The following AACS variants were observed in gnomAD, a reference collection of about 807,000 sequenced individuals.
AACS encodes the protein acetoacetate-CoA ligase.
In AACS, 69 loss-of-function variants were observed where a neutral mutation model predicts 83.1. The ratio of observed to expected loss-of-function variants is 0.83; its 90% confidence interval spans 0.68 to 1.01. AACS has a LOEUF of 1.01. Among genes scored for constraint, AACS ranks in the 50% least tolerant of loss-of-function variants. AACS has a pLI of 0.00. For missense variants in AACS, 866 were observed against 882.2 expected (o/e 0.98, Z 0.23); for synonymous variants, 333 against 343.4 (o/e 0.97, Z 0.33).
intron 14 of AACS, among the ~76,000 whole-genome samples, chr12:125,131,755 C>T (rs1395645730): frequency 3.3e-5 from 5 of 152,018 alleles, no homozygotes; most frequent in East Asian, 1.9e-4. Context: ...CGCGCCACCA[C>T]GCCCAGCTAA....
chr12:125,102,830 G>GGT (rs1565939223), intron 6 of AACS, 37 bp downstream of exon 6: 2 of 1,592,650 alleles, frequency 1.3e-6, no homozygotes, highest in East Asian at 2.2e-5. Flanking sequence ...GGCATGGCTG[G>GGT]GTGTGTGTGT....
intron 3 of AACS, 66 bp from the exon 4 acceptor site, chr12:125,086,264 G>A: frequency 7.2e-7 from 1 of 1,394,066 alleles, no homozygotes; most frequent in Non-Finnish European, 1.0e-6. Flanking sequence ...TTTTCATTCA[G>A]TGTCTGGCTT....
Position 125,111,318 on chromosome 12 carries a change from C to T in AACS, c.916-3159C>T, listed in dbSNP as rs556155421. Among the ~76,000 whole-genome samples, 4 of 123,506 alleles carry T rather than the reference C, an allele frequency of 3.2e-5. No individual in the cohort carries two copies. The South Asian group carries it at 8.0e-4, about 25-fold the overall frequency. 81.0% of individuals were successfully genotyped at this position (123,506 alleles called of 152,430 possible). On this transcript the variant is annotated intron_variant, in intron 8 of 17. Transcript: ENST00000316519. ...TTGCAGACAAGGGTCGGGGCGGGGG[C>T]GGGTGTATGTGGCCAAACAAGACAT...
chr12:125,072,921 T>G (rs1161853155), intron 1 of AACS, among the ~76,000 whole-genome samples: 21 of 13,452 alleles, frequency 1.6e-3, no homozygotes, highest in African/African-American at 4.2e-3. Context: ...TAACTTTTGT[T>G]TTTTTTTTTT....
chr12:125,128,150 A>G lies in AACS; in HGVS notation c.1310-11A>G, dbSNP rs773119842. 1 of 1,601,210 alleles carries G rather than the reference A, an allele frequency of 6.2e-7. No homozygotes were observed. Among genetic ancestry groups the G allele is most frequent in the Non-Finnish European group, 8.5e-7 (1 of 1,171,316 alleles). Reference sequence around the variant, plus strand: ...TCTAAATTTTGAGTCTCCCTTTGCCATTGCTTGCAGGAGGCACCGACATCA... The same window carrying G: ...TCTAAATTTTGAGTCTCCCTTTGCCGTTGCTTGCAGGAGGCACCGACATCA... On this transcript the variant is annotated splice_polypyrimidine_tract_variant and intron_variant, in intron 12 of 17. Transcript: ENST00000316519.
intron 9 of AACS, among the ~76,000 whole-genome samples, chr12:125,115,840 G>A (rs1247267071): frequency 1.3e-5 from 2 of 151,896 alleles, no homozygotes; most frequent in Non-Finnish European, 2.9e-5. Flanking sequence ...ACGGGGGACA[G>A]ACCCCTGGGA....
At position 125,142,377 on chromosome 12, in the gene AACS, T is replaced by G; in HGVS notation, c.*148T>G. ...CTTGGGGAGGGATCGTTTCTCTGTT[T>G]TGTTAAATCTGGTGGGTACCTGGAT... On this transcript the variant is annotated 3_prime_UTR_variant, in exon 18 of 18. Transcript: ENST00000316519. 3.4e-6 allele frequency: 4 copies of G among 1,160,764 alleles called. No individual in the cohort carries two copies. In the South Asian group the frequency reaches 4.9e-5, roughly 14 times the overall value. The allele number at this position is 1,160,764 out of a possible 1,614,324, so 71.9% of individuals were successfully genotyped here.
chr12:125,133,972 G>T (rs1347515574), intron 14 of AACS, 31 bp from the exon 15 acceptor site: 13 of 1,612,946 alleles, frequency 8.1e-6, no homozygotes, highest in Middle Eastern at 1.6e-4. Context: ...CTTCTCCTCG[G>T]GATGACCGGG....
At chr12:125,078,325 T>C (rs1370798757) in intron 3 of AACS, 1 of 456,104 alleles carries the variant, frequency 2.2e-6, no homozygotes, top group Non-Finnish European at 4.4e-6. Flanking sequence ...TGCACATTCC[T>C]GGTGAAGAGC....
intron 3 of AACS, among the ~76,000 whole-genome samples, chr12:125,085,892 G>A (rs7306622): frequency 0.078 from 11,936 of 152,162 alleles, 519 homozygotes; most frequent in East Asian, 0.18. Context: ...CATGGCTCAC[G>A]TGATCCTTTG....
At chr12:125,095,787 T>A (rs1172580946) in intron 5 of AACS, among the ~76,000 whole-genome samples, 1 of 152,204 alleles carries the variant, frequency 6.6e-6, no homozygotes, top group African/African-American at 2.4e-5. Context: ...TGTTTTGATT[T>A]TCTGTTCCAT....
At chr12:125,073,846 T>C (rs1955944391) in intron 1 of AACS, 30 bp from the exon 2 acceptor site, 1 of 1,565,126 alleles carries the variant, frequency 6.4e-7, no homozygotes, top group Admixed American at 1.7e-5. Context: ...ATTTCCCTTC[T>C]AAGGTTAATC....
chr12:125,126,596 T>TG (rs1014737412), intron 12 of AACS: 4 of 151,780 alleles, frequency 2.6e-5, no homozygotes, highest in African/African-American at 9.7e-5. Context: ...TTTTTTTTTT[T>TG]AAAGACAGGG....
At chr12:125,071,761 C>G (rs1454509543) in intron 1 of AACS, among the ~76,000 whole-genome samples, 2 of 152,218 alleles carry the variant, frequency 1.3e-5, no homozygotes, top group Non-Finnish European at 2.9e-5. Flanking sequence ...CTTGTGGTGT[C>G]AAGAGGCCAT....
At position 125,065,693 on chromosome 12, in the gene AACS, G is replaced by T. The variant is rs1483505604; in HGVS notation, c.109G>T (p.Gly37Cys). 39 of 1,541,750 alleles carry T rather than the reference G, an allele frequency of 2.5e-5. 1 individual carries two copies. In the Admixed American group the frequency reaches 7.8e-4, roughly 31 times the overall value. ...TQMDRFRAAV[G>C]AACGLALESY... ...GATGGACCGCTTCCGGGCGGCTGTG[G>T]GCGCCGCCTGCGGCCTGGCGCTGGG... The change falls in exon 1 of 18, where the codon GGC (glycine) becomes TGC (cysteine). Residue 37 changes from glycine (G) to cysteine (C), a missense_variant. Gly to Cys is a radical substitution (Grantham distance 159). Transcript: ENST00000316519.
At chr12:125,141,496 CTAACATGAGACCATCCTGGT>C (rs1158648303) in intron 17 of AACS, 1 of 151,372 alleles carries the variant, frequency 6.6e-6, no homozygotes, top group African/African-American at 2.5e-5. Flanking sequence ...ACCATCCTGG[CTAACATGAGACCATCCTGGT>C]GAAACCCCAT....
At chr12:125,102,642 T>C in intron 5 of AACS, 37 bp from the exon 6 acceptor site, 1 of 1,598,798 alleles carries the variant, frequency 6.3e-7, no homozygotes, top group Non-Finnish European at 8.6e-7. Context: ...TTTTGCCTTT[T>C]GGATGATCAA....
Position 125,129,935 on chromosome 12 carries a change from C to T in AACS, c.1549+475C>T, listed in dbSNP as rs768985834. Among the ~76,000 whole-genome samples the T allele has an allele frequency of 2.3e-4, 35 of 151,802 alleles. No individual in the cohort carries two copies. Among genetic ancestry groups the T allele is most frequent in the Non-Finnish European group, 3.4e-4 (23 of 67,918 alleles). On this transcript the variant is annotated intron_variant, in intron 14 of 17. Transcript: ENST00000316519. This position sits in a 1 kb window ranked among gnomAD's most constrained non-coding sequence, Gnocchi z 4.3. ...TTTTGCGGTGGAAGCATTTACAACC[C>T]GACACGTCACTCTCACATAGACTGA...
At chr12:125,135,996 T>G (rs1265576550) in intron 16 of AACS, 1 of 152,618 alleles carries the variant, frequency 6.6e-6, no homozygotes, top group Non-Finnish European at 1.5e-5. Context: ...TCAACCCACT[T>G]CGGCCTCCCA....
Sources: allele counts gnomAD v4.1 joint callset (sites outside exome capture counted in the v4.1 genomes callset), GRCh38; gene constraint gnomAD v4.1.1; non-coding constraint Gnocchi (gnomAD v3.1); transcripts MANE v1.5; gene names NCBI Gene and HGNC (gene_info 2026-07-23, HGNC 2026-07-21).